Variants in PRELID2 observed in about 807,000 individuals in gnomAD.
PRELID2 encodes the protein PRELI domain-containing protein 2.
Under a neutral mutation model 28.4 loss-of-function variants are expected in PRELID2, and 25 were observed. The ratio of observed to expected loss-of-function variants is 0.88; its 90% CI spans 0.64 to 1.23. The LOEUF is 1.23. Ranked by LOEUF, PRELID2 falls within the 50% of genes most tolerant of loss-of-function variation. The pLI is 0.00. For missense variants in PRELID2, 201 were observed against 214.4 expected (o/e 0.94, Z 0.39); for synonymous variants, 76 against 71.6 (o/e 1.06, Z -0.31).
chr5:145,353,595 G>A, the PRELID2 span, among the ~76,000 whole-genome samples: 2 of 152,148 alleles, frequency 1.3e-5, no homozygotes, highest in Non-Finnish European at 2.9e-5. Flanking sequence ...GGAAGGGGAA[G>A]CAAACACTTC....
At chr5:145,402,551 T>G in the PRELID2 span, among the ~76,000 whole-genome samples, 10 of 152,198 alleles carry the variant, frequency 6.6e-5, no homozygotes, top group Non-Finnish European at 4.4e-5. Flanking sequence ...AGAGCAGGTC[T>G]CCTTGTTTGG....
chr5:145,384,426 T>C, the PRELID2 span, among the ~76,000 whole-genome samples: 17 of 152,090 alleles, frequency 1.1e-4, no homozygotes, highest in African/African-American at 1.7e-4. Context: ...TCTAGCAACA[T>C]AAATGAATGA....
intron 1 of PRELID2, among the ~76,000 whole-genome samples, chr5:145,674,291 CTAA>C (rs1377096747): frequency 6.6e-6 from 1 of 151,954 alleles, no homozygotes; most frequent in Non-Finnish European, 1.5e-5. Context: ...GGTATATCTC[CTAA>C]TGTTATCCCT....
the PRELID2 span, among the ~76,000 whole-genome samples, chr5:145,348,230 A>ACCATTTC: frequency 6.6e-6 from 1 of 152,172 alleles, no homozygotes; most frequent in Non-Finnish European, 1.5e-5. Flanking sequence ...CCATTGCCCT[A>ACCATTTC]CCATTTCCCT....
chr5:145,617,730 TC>T (rs1753718948), intron 1 of PRELID2, among the ~76,000 whole-genome samples: 1 of 148,550 alleles, frequency 6.7e-6, no homozygotes, highest in Non-Finnish European at 1.5e-5. Flanking sequence ...TTCTTTTCTT[TC>T]TTTTTTTTTT....
At chr5:145,724,598 T>C in intron 1 of PRELID2, among the ~76,000 whole-genome samples, 1 of 58,938 alleles carries the variant, frequency 1.7e-5, no homozygotes, top group South Asian at 7.0e-4. Context: ...AAGAAGTAAA[T>C]AAATATATAT....
chr5:145,601,518 C>T (rs746366535), intron 1 of PRELID2, among the ~76,000 whole-genome samples: 3 of 152,138 alleles, frequency 2.0e-5, no homozygotes, highest in Non-Finnish European at 2.9e-5. Context: ...CTAGATAATT[C>T]GGACTAACTC....
At chr5:145,635,198 T>C (rs1753983991) in intron 1 of PRELID2, among the ~76,000 whole-genome samples, 1 of 152,216 alleles carries the variant, frequency 6.6e-6, no homozygotes. Flanking sequence ...GGATTGTTTG[T>C]GTCTGTCTCT....
At chr5:145,271,293 T>C in the PRELID2 span, among the ~76,000 whole-genome samples, 2 of 152,096 alleles carry the variant, frequency 1.3e-5, no homozygotes, top group African/African-American at 4.8e-5. Context: ...TGGAGTGCAG[T>C]AGCTCATTGC....
intron 1 of PRELID2, among the ~76,000 whole-genome samples, chr5:145,604,553 C>T (rs1376367129): frequency 2.0e-5 from 3 of 151,810 alleles, no homozygotes; most frequent in Non-Finnish European, 4.4e-5. Flanking sequence ...GACGTGTATA[C>T]GTCTTTATGG....
the PRELID2 span, chr5:145,338,202 C>T: frequency 6.6e-6 from 1 of 152,126 alleles, no homozygotes; most frequent in African/African-American, 2.4e-5. Context: ...TATTAGCTTA[C>T]CCCATTAGAC....
At chr5:145,811,574 T>A (rs922557134) in intron 4 of PRELID2, among the ~76,000 whole-genome samples, 2 of 152,164 alleles carry the variant, frequency 1.3e-5, no homozygotes, top group Non-Finnish European at 2.9e-5. Flanking sequence ...TATTGAGCCA[T>A]GCCTGGAGCA....
chr5:145,632,557 G>A (rs2149659258), intron 1 of PRELID2, among the ~76,000 whole-genome samples: 1 of 152,208 alleles, frequency 6.6e-6, no homozygotes, highest in East Asian at 1.9e-4. Context: ...CTCAGGGAAA[G>A]GTAGGACTGA....
the PRELID2 span, among the ~76,000 whole-genome samples, chr5:145,371,221 G>A: frequency 2.6e-5 from 4 of 152,156 alleles, no homozygotes; most frequent in East Asian, 7.7e-4. Flanking sequence ...TCCAGCTTTT[G>A]CCCATTCAAT....
intron 4 of PRELID2, among the ~76,000 whole-genome samples, chr5:145,798,384 C>T (rs1024296736): frequency 5.3e-5 from 8 of 152,048 alleles, no homozygotes; most frequent in African/African-American, 1.9e-4. Context: ...ATTGAGAAAG[C>T]TCAATGAACT....
intron 1 of PRELID2, among the ~76,000 whole-genome samples, chr5:145,561,410 A>G (rs1385375518): frequency 6.6e-6 from 1 of 152,138 alleles, no homozygotes; most frequent in African/African-American, 2.4e-5. Flanking sequence ...CACGGCTCCC[A>G]GACAGGGGCT....
the PRELID2 span, among the ~76,000 whole-genome samples, chr5:145,309,403 C>A: frequency 6.6e-6 from 1 of 152,194 alleles, no homozygotes; most frequent in East Asian, 1.9e-4. Context: ...TGTTGGATAG[C>A]AGTGAAAGAT....
chr5:145,390,048 T>A, the PRELID2 span, among the ~76,000 whole-genome samples: 5 of 152,172 alleles, frequency 3.3e-5, no homozygotes, highest in South Asian at 1.0e-3. Context: ...ACAGTTTGAT[T>A]AGGAAGATAG....
In PRELID2 at chr5:145,580,396, G is replaced by A. The variant is rs999830843; in HGVS notation, n.71-107081C>T. On this transcript the variant is annotated intron_variant and non_coding_transcript_variant, in intron 1 of 2. Transcript: ENST00000510259. ...CATGGATGTCAATTTGAGATTCTGA[G>A]ATATTCAGTCACTCTGACTTGATGA... Among the ~76,000 whole-genome samples the A allele has an allele frequency of 3.9e-5, 6 of 152,194 alleles. No individual in the cohort carries two copies. In the East Asian group the frequency reaches 1.2e-3, roughly 29 times the overall value.
Sources: gnomAD v4.1 joint callset for allele counts (sites outside exome capture counted in the v4.1 genomes callset) on GRCh38, gnomAD v4.1.1 for gene constraint, MANE v1.5 for transcripts, NCBI Gene and HGNC (gene_info 2026-07-23, HGNC 2026-07-21) for gene names.